MEF2C: variants seen among roughly 807,000 people sequenced by gnomAD.
The protein encoded by MEF2C is myocyte-specific enhancer factor 2C.
Under a neutral mutation model 50.5 loss-of-function variants are expected in MEF2C, and 6 were observed. The observed-to-expected ratio is 0.12, with a 90% CI of 0.07 to 0.23. MEF2C has a LOEUF of 0.23. Ranked by LOEUF, MEF2C falls within the 10% of genes least tolerant of loss-of-function variation. The probability of loss-of-function intolerance (pLI) is 1.00; values close to 1 mark genes in which losing one functional copy is unlikely to be tolerated. For synonymous variants in MEF2C, 183 were observed against 228.0 expected (o/e 0.80, Z 1.78); for missense variants, 276 against 605.0 (o/e 0.46, Z 5.70).
chr5:88,761,445 T>G (rs1777803288), intron 3 of MEF2C, 117 bp from the exon 4 acceptor site: 2 of 1,235,974 alleles, frequency 1.6e-6, no homozygotes, highest in South Asian at 3.2e-5. Flanking sequence ...CTTTATTCTA[T>G]TAGGGAAGAG....
intron 3 of MEF2C, chr5:88,771,668 G>A: frequency 1.1e-6 from 1 of 939,940 alleles, no homozygotes; most frequent in South Asian, 4.9e-5. Context: ...AAATGAATAA[G>A]CAAACAAACT....
chr5:88,744,175 A>G, intron 6 of MEF2C: 1 of 973,712 alleles, frequency 1.0e-6, no homozygotes, highest in Non-Finnish European at 1.2e-6. Flanking sequence ...TGCTCTGCTA[A>G]TGGTTATTTC....
intron 2 of MEF2C, among the ~76,000 whole-genome samples, chr5:88,818,423 G>A (rs138948057): frequency 3.7e-4 from 56 of 151,924 alleles, no homozygotes; most frequent in African/African-American, 1.3e-3. Context: ...GGGTAAGACT[G>A]CCTAACTGAT....
At chr5:88,873,708 A>ATTTTTTTTTTTT (rs199642010) in intron 1 of MEF2C, among the ~76,000 whole-genome samples, 1 of 93,832 alleles carries the variant, frequency 1.1e-5, no homozygotes, top group Non-Finnish European at 2.0e-5. Context: ...GTCGTCACGG[A>ATTTTTTTTTTTT]TTTTTTTTTT....
intron 6 of MEF2C, chr5:88,735,957 T>C: frequency 1.0e-6 from 1 of 985,374 alleles, no homozygotes; most frequent in South Asian, 4.7e-5. Flanking sequence ...CTTTGAATTA[T>C]GAATACAAGC....
At chr5:88,743,374 T>A in intron 6 of MEF2C, 1 of 985,342 alleles carries the variant, frequency 1.0e-6, no homozygotes, top group Non-Finnish European at 1.2e-6. Context: ...AATAAGAAAG[T>A]CAGCCAAGAA....
chr5:88,725,560 T>C (rs1758322666), intron 10 of MEF2C, among the ~76,000 whole-genome samples: 1 of 151,946 alleles, frequency 6.6e-6, no homozygotes, highest in Admixed American at 6.6e-5. Flanking sequence ...TATGTGTGGG[T>C]GGGTGATAAA....
At chr5:88,737,204 T>C (rs1010304446) in intron 6 of MEF2C, 1 of 985,266 alleles carries the variant, frequency 1.0e-6, no homozygotes, top group Non-Finnish European at 1.2e-6. Context: ...CTTCTCTTTA[T>C]GCTACTTGAG....
chr5:88,842,132 C>T (rs906012925), intron 1 of MEF2C, among the ~76,000 whole-genome samples: 6 of 152,070 alleles, frequency 3.9e-5, no homozygotes, highest in African/African-American at 7.2e-5. Flanking sequence ...GTGCAATCCT[C>T]TATGCTACAT....
chr5:88,743,163 C>A, intron 6 of MEF2C: 1 of 907,894 alleles, frequency 1.1e-6, no homozygotes, highest in Non-Finnish European at 1.3e-6. Flanking sequence ...AAAATTATAT[C>A]TTTATACTAA....
At chr5:88,741,159 A>G in intron 6 of MEF2C, 3 of 985,426 alleles carry the variant, frequency 3.0e-6, no homozygotes, top group Non-Finnish European at 3.6e-6. Context: ...ATCTCTGTGA[A>G]GCCTACTGGT....
chr5:88,850,830 T>G (rs886659505), intron 1 of MEF2C, among the ~76,000 whole-genome samples: 8 of 152,024 alleles, frequency 5.3e-5, no homozygotes, highest in Non-Finnish European at 1.2e-4. Flanking sequence ...CACTTACACA[T>G]GAATTTTCTT....
intron 1 of MEF2C, chr5:88,827,185 T>G (rs928701258): frequency 4.0e-5 from 6 of 151,832 alleles, no homozygotes; most frequent in African/African-American, 1.5e-4. Context: ...GCTATCTCAT[T>G]TACAAACAAG....
intron 3 of MEF2C, among the ~76,000 whole-genome samples, chr5:88,796,071 G>A (rs1795913048): frequency 6.6e-6 from 1 of 152,138 alleles, no homozygotes; most frequent in Non-Finnish European, 1.5e-5. Flanking sequence ...TTGCATCGAT[G>A]TTCATCAGGG....
Position 88,805,107 on chromosome 5 carries a change from TTAA to T in MEF2C, c.55-309_55-307del, listed in dbSNP as rs762521151. Among the ~76,000 whole-genome samples the T allele has an allele frequency of 2.0e-5, 3 of 152,162 alleles. No homozygotes were observed. In the East Asian group the frequency reaches 5.8e-4, roughly 29 times the overall value. On this transcript the variant is annotated intron_variant, in intron 2 of 10. Transcript: ENST00000504921. ...GAGCAAGTTAAGATTTAAAAAAAAA[TTAA>T]TTTCAGCATGGTTAGCATATTTCCC... is the stretch of plus-strand genomic sequence containing the variant.
intron 1 of MEF2C, among the ~76,000 whole-genome samples, chr5:88,858,547 C>T (rs1420385636): frequency 4.6e-5 from 7 of 152,154 alleles, no homozygotes; most frequent in Admixed American, 3.9e-4. Context: ...AAGAAGGGAG[C>T]AAAGTGCATT....
intron 1 of MEF2C, among the ~76,000 whole-genome samples, chr5:88,899,123 C>T (rs1156349261): frequency 1.3e-5 from 2 of 152,080 alleles, no homozygotes; most frequent in East Asian, 3.8e-4. Context: ...TTCAAAGCTT[C>T]GTGTCATAAC....
At chr5:88,759,769 A>G (rs1425796939) in intron 4 of MEF2C, among the ~76,000 whole-genome samples, 4 of 152,252 alleles carry the variant, frequency 2.6e-5, no homozygotes, top group Admixed American at 2.6e-4. Flanking sequence ...TACTGCTGAC[A>G]TTTCATTTAA....
intron 2 of MEF2C, among the ~76,000 whole-genome samples, chr5:88,807,394 CTTTG>C (rs1800937111): frequency 6.6e-6 from 1 of 152,114 alleles, no homozygotes; most frequent in South Asian, 2.1e-4. Flanking sequence ...CTGGCTTTAT[CTTTG>C]TTTGTATTTA....
Sources: allele counts gnomAD v4.1 joint callset (sites outside exome capture counted in the v4.1 genomes callset), GRCh38; gene constraint gnomAD v4.1.1; transcripts MANE v1.5; gene names NCBI Gene and HGNC (gene_info 2026-07-23, HGNC 2026-07-21).